Variants in MGAT4C observed in about 807,000 individuals in gnomAD.
The protein encoded by MGAT4C is MGAT4 family member C, also known as alpha-1,3-mannosyl-glycoprotein 4-beta-N-acetylglucosaminyltransferase C.
A neutral mutation model predicts 40.1 loss-of-function variants in MGAT4C; 19 were observed. The ratio of observed to expected loss-of-function variants is 0.47; its 90% confidence interval spans 0.33 to 0.70. The LOEUF (loss-of-function observed/expected upper bound fraction) is 0.70. MGAT4C is among the 30% of genes least tolerant of loss of function. The pLI is 0.02. For synonymous variants in MGAT4C, 181 were observed against 187.1 expected, an observed-to-expected ratio of 0.97 and a Z score of 0.27; for missense variants, 491 against 563.2, an observed-to-expected ratio of 0.87 and a Z score of 1.30.
At chr12:86,685,811 C>T (rs914133437) in intron 2 of MGAT4C, among the ~76,000 whole-genome samples, 8 of 151,046 alleles carry the variant, frequency 5.3e-5, no homozygotes, top group African/African-American at 1.7e-4. Context: ...TGGGAGTTCA[C>T]TCATTATTTG....
chr12:86,220,707 G>A (rs1950846094), intron 1 of MGAT4C, among the ~76,000 whole-genome samples: 1 of 152,088 alleles, frequency 6.6e-6, no homozygotes, highest in South Asian at 2.1e-4. Flanking sequence ...CTCAATAAGT[G>A]GAAAATAAGG....
chr12:86,048,600 G>A (rs1488493301), intron 2 of MGAT4C, among the ~76,000 whole-genome samples: 2 of 151,942 alleles, frequency 1.3e-5, no homozygotes, highest in Non-Finnish European at 2.9e-5. Flanking sequence ...TGTGAAAAAA[G>A]GAAGAGATAT....
upstream of MGAT4C, among the ~76,000 whole-genome samples, chr12:86,261,013 T>A (rs1952646910): frequency 6.6e-6 from 1 of 151,974 alleles, no homozygotes; most frequent in Non-Finnish European, 1.5e-5. Flanking sequence ...TCATTAAACA[T>A]CATATATAGC....
At chr12:86,008,963 T>G (rs1262082353) in intron 2 of MGAT4C, among the ~76,000 whole-genome samples, 3 of 152,054 alleles carry the variant, frequency 2.0e-5, no homozygotes, top group Non-Finnish European at 4.4e-5. Context: ...ATATAATTAT[T>G]TTTATATACT....
intron 1 of MGAT4C, among the ~76,000 whole-genome samples, chr12:86,793,200 T>C (rs1952056076): frequency 6.6e-6 from 1 of 152,286 alleles, no homozygotes; most frequent in Admixed American, 6.5e-5. Context: ...TATGCAGGGA[T>C]TCATTTTTTT....
chr12:86,021,688 T>C (rs1018826731), intron 2 of MGAT4C, among the ~76,000 whole-genome samples: 4 of 152,036 alleles, frequency 2.6e-5, no homozygotes, highest in Non-Finnish European at 5.9e-5. Context: ...TGTATACATA[T>C]GTAACAAACC....
intron 3 of MGAT4C, among the ~76,000 whole-genome samples, chr12:86,410,886 G>T (rs1487246298): frequency 6.6e-6 from 1 of 152,086 alleles, no homozygotes; most frequent in African/African-American, 2.4e-5. Flanking sequence ...TCCATTCGGG[G>T]TCCCTGACTT....
intron 3 of MGAT4C, among the ~76,000 whole-genome samples, chr12:86,413,266 G>A (rs1956641958): frequency 6.6e-6 from 1 of 152,116 alleles, no homozygotes; most frequent in Admixed American, 6.6e-5. Flanking sequence ...AGAGAAGAGG[G>A]ATAGATGACT....
chr12:86,075,353 T>C (rs1869484259), intron 1 of MGAT4C, among the ~76,000 whole-genome samples: 1 of 152,168 alleles, frequency 6.6e-6, no homozygotes. Flanking sequence ...TGGGTTCCCA[T>C]GGTCTTGGTC....
intron 2 of MGAT4C, among the ~76,000 whole-genome samples, chr12:86,614,296 C>T (rs780828376): frequency 4.6e-5 from 7 of 152,082 alleles, no homozygotes; most frequent in East Asian, 3.9e-4. Flanking sequence ...ACAGAATCAC[C>T]GAAGGCTGTG....
chr12:86,146,592 C>T (rs944724981), intron 1 of MGAT4C, among the ~76,000 whole-genome samples: 2 of 151,992 alleles, frequency 1.3e-5, no homozygotes, highest in South Asian at 2.1e-4. Flanking sequence ...GATCTAATGG[C>T]CTCTTCAAGG....
At chr12:86,767,075 C>T (rs1951523720) in intron 1 of MGAT4C, among the ~76,000 whole-genome samples, 1 of 152,010 alleles carries the variant, frequency 6.6e-6, no homozygotes, top group Non-Finnish European at 1.5e-5. Flanking sequence ...TTAATGAATC[C>T]AGAAGCTGGT....
At chr12:86,832,681 G>C (rs1216210604) in intron 1 of MGAT4C, among the ~76,000 whole-genome samples, 1 of 151,712 alleles carries the variant, frequency 6.6e-6, no homozygotes, top group African/African-American at 2.4e-5. Flanking sequence ...CATGGTTTGA[G>C]AGCCATTATA....
rs145060240 is a variant in MGAT4C, at chr12:86,598,959, C to T, written c.-229+128250G>A. Among the ~76,000 whole-genome samples, 1,518 of 152,170 alleles carry T rather than the reference C, an allele frequency of 1.0e-2. 86 individuals carry two copies. Among genetic ancestry groups the T allele is most frequent in the Non-Finnish European group, 2.9e-3 (197 of 67,958 alleles). The stretch of plus-strand genomic sequence containing the variant: ...TGAAATAAGTAAATAAATACTGAAG[C>T]TAACAGAACTAAGGGATTTATGGAT... On this transcript the variant is annotated intron_variant, in intron 2 of 7. Coordinates refer to the MGAT4C transcript ENST00000548651.
intron 3 of MGAT4C, among the ~76,000 whole-genome samples, chr12:86,343,763 C>A (rs752944028): frequency 6.6e-6 from 1 of 152,156 alleles, no homozygotes; most frequent in Non-Finnish European, 1.5e-5. Context: ...TCCCCAACTA[C>A]CCTCTTCTCA....
intron 1 of MGAT4C, among the ~76,000 whole-genome samples, chr12:86,802,197 C>A (rs1386368432): frequency 1.3e-5 from 2 of 151,868 alleles, no homozygotes; most frequent in Non-Finnish European, 2.9e-5. Flanking sequence ...ATTTTAATAA[C>A]CTTAAACTTG....
chr12:86,184,418 A>G (rs944921824), intron 1 of MGAT4C, among the ~76,000 whole-genome samples: 1 of 151,094 alleles, frequency 6.6e-6, no homozygotes, highest in South Asian at 2.1e-4. Flanking sequence ...ATGTGCCAGG[A>G]CATTATTCTA....
chr12:86,071,146 T>C (rs1333674513), intron 1 of MGAT4C, among the ~76,000 whole-genome samples: 1 of 152,088 alleles, frequency 6.6e-6, no homozygotes, highest in African/African-American at 2.4e-5. Flanking sequence ...TTAAATTCGC[T>C]GTGAAAATAC....
intron 1 of MGAT4C, among the ~76,000 whole-genome samples, chr12:86,131,742 G>GT (rs1207457698): frequency 4.3e-4 from 15 of 34,774 alleles, no homozygotes; most frequent in East Asian, 8.8e-3. Flanking sequence ...TATAAAAACT[G>GT]GTTTTTTTTT....
Sources: allele counts gnomAD v4.1 joint callset (sites outside exome capture counted in the v4.1 genomes callset), GRCh38; gene constraint gnomAD v4.1.1; transcripts MANE v1.5; gene names NCBI Gene and HGNC (gene_info 2026-07-23, HGNC 2026-07-21).